Variants in DOCK11 observed in about 807,000 individuals in gnomAD.
DOCK11 encodes dedicator of cytokinesis 11.
In DOCK11, 70 loss-of-function variants were observed where a neutral mutation model predicts 169.1. The observed-to-expected ratio is 0.41, with a 90% confidence interval of 0.34 to 0.51. The LOEUF (loss-of-function observed/expected upper bound fraction) is 0.51. Among genes scored for constraint, DOCK11 ranks in the 20% least tolerant of loss-of-function variants. The pLI is 0.10. For missense variants in DOCK11, 1,166 were observed against 1,538.8 expected (o/e 0.76, Z 4.05); for synonymous variants, 529 against 541.3 (o/e 0.98, Z 0.32).
At chrX:118,679,901 G>A (rs1305859154) in intron 48 of DOCK11, among the ~76,000 whole-genome samples, 2 of 105,655 alleles carry the variant, frequency 1.9e-5, no homozygotes, top group Non-Finnish European at 3.9e-5. Flanking sequence ...TCATTGCTGG[G>A]TAGTAGGATT....
intron 30 of DOCK11, among the ~76,000 whole-genome samples, chrX:118,616,941 A>G (rs970536940): frequency 8.9e-6 from 1 of 111,857 alleles, no homozygotes; most frequent in Non-Finnish European, 1.9e-5. Context: ...CTGAACATGT[A>G]TAGCTCACAT....
chrX:118,674,472 G>A (rs1013228549), intron 46 of DOCK11, among the ~76,000 whole-genome samples: 1 of 112,230 alleles, frequency 8.9e-6, no homozygotes, highest in Admixed American at 9.4e-5. Context: ...AGAGGTTCAT[G>A]TATCAGTTGT....
At chrX:118,663,586 A>G (rs1211203417) in intron 45 of DOCK11, among the ~76,000 whole-genome samples, 3 of 110,038 alleles carry the variant, frequency 2.7e-5, no homozygotes, top group African/African-American at 9.9e-5. Context: ...GTAGGTTCCC[A>G]TAGAGAAGAG....
chrX:118,621,204 G>A lies in DOCK11; in HGVS notation c.3471+2476G>A, dbSNP rs746798724. On this transcript the variant is annotated intron_variant, in intron 31 of 52. Transcript: ENST00000276202. Reference sequence around the variant, plus strand: ...AGGCTTCATACAGGCATTAAATGACGATAGAGTTTTCTCCATAAGAAGTTT... The same window carrying A: ...AGGCTTCATACAGGCATTAAATGACAATAGAGTTTTCTCCATAAGAAGTTT... Among the ~76,000 whole-genome samples, 449 of 112,328 alleles carry A rather than the reference G, an allele frequency of 4.0e-3. 2 individuals are homozygous for A. Among genetic ancestry groups the A allele is most frequent in the African/African-American group, 0.013 (408 of 30,958 alleles).
chrX:118,539,737 T>C (rs1002576248), intron 1 of DOCK11, among the ~76,000 whole-genome samples: 2 of 110,988 alleles, frequency 1.8e-5, no homozygotes, highest in African/African-American at 6.6e-5. Flanking sequence ...CTTTCCATAT[T>C]AATTTGGAGC....
chrX:118,610,251 T>G, intron 27 of DOCK11, 21 bp from the exon 28 acceptor site: 1 of 1,209,959 alleles, frequency 8.3e-7, no homozygotes, highest in Non-Finnish European at 1.1e-6. Context: ...CTGACTTTTT[T>G]CTGTGCCTAT....
intron 20 of DOCK11, among the ~76,000 whole-genome samples, chrX:118,594,636 T>C (rs747033904): frequency 9.0e-6 from 1 of 111,553 alleles, no homozygotes; most frequent in African/African-American, 3.3e-5. Context: ...ACAGATCTCA[T>C]CTTCAGTGAG....
chrX:118,499,093 T>C (rs2057556802), intron 1 of DOCK11, among the ~76,000 whole-genome samples: 1 of 112,282 alleles, frequency 8.9e-6, no homozygotes, highest in Admixed American at 9.4e-5. Flanking sequence ...AGAAACATTA[T>C]AACCTGAGAG....
At chrX:118,681,653 C>T in intron 50 of DOCK11, 41 bp from the exon 51 acceptor site, 1 of 979,144 alleles carries the variant, frequency 1.0e-6, no homozygotes. Context: ...TTGATTATTG[C>T]ATTCTGGAAA....
chrX:118,507,451 G>A (rs1369785220), intron 1 of DOCK11, among the ~76,000 whole-genome samples: 4 of 109,545 alleles, frequency 3.7e-5, no homozygotes, highest in Non-Finnish European at 3.8e-5. Context: ...CTGTGTTCAA[G>A]CGATTCTCCT....
At chrX:118,618,852 C>A in intron 31 of DOCK11, 124 bp downstream of exon 31, 5 of 546,920 alleles carry the variant, frequency 9.1e-6, no homozygotes, top group Non-Finnish European at 1.3e-5. Context: ...ATTTTTGCTT[C>A]AAATCATAAG....
rs35095116 is a variant in DOCK11 at position 118,581,805 on chromosome X, T to TAAAAAAAAA, written c.1595+1653_1595+1661dup. Among the ~76,000 whole-genome samples the TAAAAAAAAA allele has an allele frequency of 7.1e-4, 9 of 12,744 alleles. 2 individuals are homozygous for TAAAAAAAAA. The highest frequency in any genetic ancestry group is 1.2e-3 in the Admixed American group (1 of 848). The allele number at this position is 12,744 out of a possible 115,157, so 11.1% of individuals were successfully genotyped here. On this transcript the variant is annotated intron_variant, in intron 14 of 52. Coordinates refer to ENST00000276202, the MANE Select transcript of DOCK11 (RefSeq NM_144658.4). ...GGCGACAGAGCGAGACTCCGTCTCC[T>TAAAAAAAAA]AAAAAAAAAAAAAAAAAAAAAAAAA...
Position 118,598,047 on chromosome X carries a change from T to C in DOCK11, c.2403T>C (p.Ile801=). ...AESRRQCNVD[I]KWVDGAKPLL... is the part of the protein sequence containing the mutation. ...GTTCACAGCAATGTAACGTGGATAT[T>C]AAATGGGTAGATGGTGCAAAGCCTT... The change falls in exon 22 of 53, where the codon ATT becomes ATC. Residue 801 remains isoleucine (I), a synonymous_variant. Coordinates refer to ENST00000276202, the MANE Select transcript of DOCK11 (RefSeq NM_144658.4). 1 of 1,193,572 alleles carries C rather than the reference T, an allele frequency of 8.4e-7. No individual in the cohort carries two copies. Among genetic ancestry groups the C allele is most frequent in the Non-Finnish European group, 1.1e-6 (1 of 883,835 alleles).
At chrX:118,655,613 A>G (rs1328632905) in intron 44 of DOCK11, among the ~76,000 whole-genome samples, 1 of 111,955 alleles carries the variant, frequency 8.9e-6, no homozygotes, top group Non-Finnish European at 1.9e-5. Context: ...AATTCAGGAA[A>G]TCTACTTGGA....
At chrX:118,648,065 A>AAT (rs2015819401) in intron 40 of DOCK11, among the ~76,000 whole-genome samples, 1 of 62,413 alleles carries the variant, frequency 1.6e-5, no homozygotes, top group Non-Finnish European at 2.6e-5. Flanking sequence ...ATATAATATA[A>AAT]ATTGTAATAT....
intron 1 of DOCK11, among the ~76,000 whole-genome samples, chrX:118,528,738 A>G (rs2011438220): frequency 9.9e-6 from 1 of 100,609 alleles, no homozygotes; most frequent in Non-Finnish European, 1.9e-5. Context: ...TCAACACTGC[A>G]TGGCCTTTGG....
chrX:118,659,001 T>C (rs2016150148), intron 44 of DOCK11, among the ~76,000 whole-genome samples: 1 of 111,842 alleles, frequency 8.9e-6, no homozygotes, highest in African/African-American at 3.3e-5. Context: ...AGGGTAATGT[T>C]GCTCTCTTTC....
intron 1 of DOCK11, among the ~76,000 whole-genome samples, chrX:118,512,370 A>G (rs923926083): frequency 8.9e-6 from 1 of 112,067 alleles, no homozygotes. Context: ...TAAAATATTA[A>G]CAATATTTAA....
Position 118,599,854 on chromosome X carries a change from C to A in DOCK11, c.2562+626C>A, listed in dbSNP as rs1490334454. ...GGAAATATTATTTTAAATGAAACAT[C>A]TTTAGGATTTACCTTTGGACATATG... is the stretch of plus-strand genomic sequence containing the variant. On this transcript the variant is annotated intron_variant, in intron 23 of 52. Transcript: ENST00000276202. Among the ~76,000 whole-genome samples the A allele has an allele frequency of 2.7e-5, 3 of 111,878 alleles. No homozygotes were observed. In the East Asian group the frequency reaches 8.3e-4, roughly 31 times the overall value.
Sources: gnomAD v4.1 joint callset for allele counts (sites outside exome capture counted in the v4.1 genomes callset) on GRCh38, gnomAD v4.1.1 for gene constraint, MANE v1.5 for transcripts, NCBI Gene and HGNC (gene_info 2026-07-23, HGNC 2026-07-21) for gene names.